GPX3: variants seen among roughly 807,000 people sequenced by gnomAD.
GPX3 encodes GPx-3.
A neutral mutation model predicts 25.1 loss-of-function variants in GPX3; 22 were observed. The ratio of observed to expected loss-of-function variants is 0.88; its 90% CI spans 0.63 to 1.25. The LOEUF (loss-of-function observed/expected upper bound fraction) is 1.25, where lower values mean the gene tolerates loss of function less well. Ranked by LOEUF, GPX3 falls within the 50% of genes most tolerant of loss-of-function variation. The pLI, the probability that GPX3 is intolerant of heterozygous loss-of-function variation, is 0.00. For synonymous variants in GPX3, 110 were observed against 114.5 expected (o/e 0.96, Z 0.25); for missense variants, 278 against 286.6 (o/e 0.97, Z 0.22).
intron 1 of GPX3, among the ~76,000 whole-genome samples, chr5:151,024,375 C>G (rs1483814287): frequency 6.6e-6 from 1 of 152,180 alleles, no homozygotes; most frequent in East Asian, 1.9e-4. Flanking sequence ...CAGCAGTGAC[C>G]CCAATCCCCT....
At chr5:151,022,906 G>A (rs1756497585) in intron 1 of GPX3, among the ~76,000 whole-genome samples, 1 of 152,168 alleles carries the variant, frequency 6.6e-6, no homozygotes, top group Non-Finnish European at 1.5e-5. Context: ...AGGAGCTGGA[G>A]CCCCAGCAAA....
Position 151,027,011 on chromosome 5 carries a change from C to T in GPX3, c.353C>T (p.Thr118Ile), listed in dbSNP as rs757604984. The T allele has an allele frequency of 6.2e-6, 10 of 1,604,392 alleles. No homozygotes were observed. The highest frequency in any genetic ancestry group is 8.5e-6 in the Non-Finnish European group (10 of 1,171,372). ...EPGENSEILP[T>I]LKYVRPGGGF... ...GGAGAGAACTCAGAGATCCTTCCTA[C>T]CCTCAAGTGAGTACTCACTCAGCAT... Residue 118 changes from threonine to isoleucine, a missense_variant, in exon 3 of 5, where the codon ACC becomes ATC. Physicochemically the swap from Thr to Ile is moderately conservative, Grantham distance 89. Transcript: ENST00000388825.
chr5:151,027,105 G>A, intron 3 of GPX3, 88 bp downstream of exon 3: 3 of 886,950 alleles, frequency 3.4e-6, no homozygotes, highest in Admixed American at 2.0e-5. Flanking sequence ...ACATTTATCG[G>A]CCACCAAGAA....
chr5:151,020,996 T>C, intron 1 of GPX3: 2 of 514,674 alleles, frequency 3.9e-6, no homozygotes, highest in East Asian at 3.6e-5. Flanking sequence ...GGGAGGAAGG[T>C]CTCTCTCCCC....
intron 3 of GPX3, 34 bp from the exon 4 acceptor site, chr5:151,027,398 T>G (rs1756566621): frequency 7.0e-7 from 1 of 1,431,766 alleles, no homozygotes; most frequent in Admixed American, 1.7e-5. Flanking sequence ...TGTGCCCACC[T>G]CCTTGGGACC....
Position 151,020,703 on chromosome 5 carries a change from GGCTTCGTCTC to G in GPX3, c.52_61del (p.Phe18ArgfsTer16). 1 of 1,611,504 alleles carries G rather than the reference GGCTTCGTCTC, an allele frequency of 6.2e-7. No homozygotes were observed. The highest frequency in any genetic ancestry group is 8.5e-7 in the Non-Finnish European group (1 of 1,179,234). ...CTGCCTGCTTTCCCTGCTCCTGGCC[GGCTTCGTCTC>G]GCAGAGCCGGGGACAAGAGAAGTCG... On this transcript the variant is annotated frameshift_variant, in exon 1 of 5. Transcript: ENST00000388825. LOFTEE classifies it high-confidence loss of function.
intron 1 of GPX3, chr5:151,021,134 G>A (rs572174798): frequency 2.4e-4 from 60 of 253,900 alleles, no homozygotes; most frequent in South Asian, 2.1e-3. Flanking sequence ...AATGCCCAGC[G>A]TCTGGGTGGG....
At chr5:151,027,859 G>C (rs777265222) in intron 4 of GPX3, 50 bp from the exon 5 acceptor site, 9 of 1,467,260 alleles carry the variant, frequency 6.1e-6, no homozygotes, top group South Asian at 1.1e-5. Context: ...GGAAGGAAGA[G>C]GGTCAGGGGG....
chr5:151,022,481 C>G (rs1488551563), intron 1 of GPX3, among the ~76,000 whole-genome samples: 2 of 152,158 alleles, frequency 1.3e-5, no homozygotes, highest in South Asian at 2.1e-4. Context: ...CTCCCAAGTT[C>G]TTAGAGTTCA....
intron 3 of GPX3, 82 bp from the exon 4 acceptor site, chr5:151,027,350 T>C (rs1756565503): frequency 8.0e-6 from 7 of 871,788 alleles, no homozygotes; most frequent in Non-Finnish European, 1.1e-5. Context: ...CCCAACACCC[T>C]CTCCCCTGTT....
Position 151,025,436 on chromosome 5 carries a change from A to C in GPX3, c.184A>C (p.Lys62Gln), listed in dbSNP as rs1304531579. 6.2e-7 allele frequency: 1 copy of C among 1,612,712 alleles called. No homozygotes were observed. Among genetic ancestry groups the C allele is most frequent in the East Asian group, 2.2e-5 (1 of 44,786 alleles). Residue 62 changes from lysine to glutamine, a missense_variant, in exon 2 of 5, where the codon AAA (lysine) becomes CAA (glutamine). Transcript: ENST00000388825. ...EYIPFKQYAG[K>Q]YVLFVNVASY... ...CATCCCCTTCAAGCAGTATGCTGGCAAATACGTCCTCTTTGTCAACGTGGC... is the reference window on the plus strand; with the variant it reads ...CATCCCCTTCAAGCAGTATGCTGGCCAATACGTCCTCTTTGTCAACGTGGC...
Position 151,028,454 on chromosome 5 carries a change from C to A in GPX3, c.*324C>A, listed in dbSNP as rs1756601534. 2.9e-6 allele frequency: 1 copy of A among 342,424 alleles called. No individual in the cohort carries two copies. Among genetic ancestry groups the A allele is most frequent in the Admixed American group, 4.3e-5 (1 of 23,004 alleles). 21.2% of individuals were successfully genotyped at this position (342,424 alleles called of 1,614,324 possible). A position where few individuals can be genotyped will look rare whatever the true frequency, so the allele number is the denominator to read the frequency against. Reference sequence around the variant, plus strand: ...GCTGTGTAGTGCTGGACAGTGACAACCCTTTCTCTCCAGTTCTCCACTCCA... The same window carrying A: ...GCTGTGTAGTGCTGGACAGTGACAAACCTTTCTCTCCAGTTCTCCACTCCA... On this transcript the variant is annotated 3_prime_UTR_variant, in exon 5 of 5. Transcript: ENST00000388825.
chr5:151,027,612 C>T (rs1046477779), intron 4 of GPX3, 81 bp downstream of exon 4: 7 of 895,694 alleles, frequency 7.8e-6, no homozygotes, highest in Middle Eastern at 2.7e-4. Flanking sequence ...CATGCCACCT[C>T]CCCTGCTCCT....
Position 151,020,596 on chromosome 5 carries a change from G to C in GPX3, c.-59G>C. On this transcript the variant is annotated 5_prime_UTR_variant, in exon 1 of 5. Coordinates refer to ENST00000388825, the MANE Select transcript of GPX3 (RefSeq NM_002084.5). ...CTGGGAGCGCCGGACACCTCAGACG[G>C]ACGGTGGCCAGGGATCAGGCAGCGG... 1 of 1,453,222 alleles carries C rather than the reference G, an allele frequency of 6.9e-7. No homozygotes were observed. The highest frequency in any genetic ancestry group is 9.4e-7 in the Non-Finnish European group (1 of 1,068,096). 90.0% of individuals were successfully genotyped at this position (1,453,222 alleles called of 1,614,324 possible).
intron 1 of GPX3, among the ~76,000 whole-genome samples, chr5:151,022,299 G>C (rs372190744): frequency 1.8e-4 from 28 of 152,322 alleles, no homozygotes; most frequent in African/African-American, 6.3e-4. Flanking sequence ...TGGACTCCAT[G>C]AATAACTCAT....
chr5:151,026,903 T>A lies in GPX3; in HGVS notation c.245T>A (p.Leu82Gln), dbSNP rs1456253708. The change falls in exon 3 of 5, where the codon CTG becomes CAG. Residue 82 changes from leucine (L) to glutamine (Q), a missense_variant. Transcript: ENST00000388825. ...CTGCTCTTTCTCTTTGGCCCAGAAC[T>A]GAATGCACTACAGGAAGAGCTTGCA... Reference protein sequence around the residue: ...YUGLTGQYIELNALQEELAPF... With the variant: ...YUGLTGQYIEQNALQEELAPF... 1.1e-5 allele frequency: 17 copies of A among 1,612,050 alleles called. No individual in the cohort carries two copies. Among genetic ancestry groups the A allele is most frequent in the East Asian group, 2.2e-5 (1 of 44,868 alleles).
At chr5:151,024,745 T>C (rs1756522730) in intron 1 of GPX3, among the ~76,000 whole-genome samples, 1 of 152,218 alleles carries the variant, frequency 6.6e-6, no homozygotes, top group Non-Finnish European at 1.5e-5. Flanking sequence ...CTCTCAGTCC[T>C]GCTTCCCTAT....
rs764620936 is a variant in GPX3 at position 151,025,415 on chromosome 5, C to G, written c.163C>G (p.Pro55Ala). 4.3e-6 allele frequency: 7 copies of G among 1,612,624 alleles called. No homozygotes were observed. The highest frequency in any genetic ancestry group is 5.9e-6 in the Non-Finnish European group (7 of 1,179,228). Residue 55 changes from proline (P) to alanine (A), a missense_variant, in exon 2 of 5, where the codon CCC (proline) becomes GCC (alanine). Transcript: ENST00000388825. ...CACCATTGATGGGGAGGAGTACATC[C>G]CCTTCAAGCAGTATGCTGGCAAATA... ...ALTIDGEEYI[P>A]FKQYAGKYVL...
chr5:151,027,983 C>T lies in GPX3; in HGVS notation c.534C>T (p.Asp178=), dbSNP rs1334197028. Residue 178 remains aspartate (D), a synonymous_variant, in exon 5 of 5, where the codon GAC becomes GAT. Coordinates refer to ENST00000388825, the MANE Select transcript of GPX3 (RefSeq NM_002084.5). The part of the protein sequence containing the change: ...RLFWEPMKVH[D]IRWNFEKFLV... ...TCTGGGAACCCATGAAGGTTCACGA[C>T]ATCCGCTGGAACTTTGAGAAGTTCC... 2 of 1,614,116 alleles carry T rather than the reference C, an allele frequency of 1.2e-6. No individual in the cohort carries two copies. The highest frequency in any genetic ancestry group is 2.7e-5 in the African/African-American group (2 of 74,948).
Sources: allele counts gnomAD v4.1 joint callset (sites outside exome capture counted in the v4.1 genomes callset), GRCh38; gene constraint gnomAD v4.1.1; transcripts MANE v1.5; gene names NCBI Gene and HGNC (gene_info 2026-07-23, HGNC 2026-07-21).